FAM81B: variants seen among roughly 807,000 people sequenced by gnomAD.
The protein encoded by FAM81B is family with sequence similarity 81 member B.
FAM81B carries 60 observed loss-of-function variants against 58.7 expected under a neutral mutation model. The ratio of observed to expected loss-of-function variants is 1.02; its 90% CI spans 0.83 to 1.27. The LOEUF is 1.27. Ranked by LOEUF, FAM81B falls within the 50% of genes most tolerant of loss-of-function variation. FAM81B has a pLI of 0.00. For missense variants in FAM81B, 491 were observed against 522.0 expected, an observed-to-expected ratio of 0.94 and a Z score of 0.58; for synonymous variants, 189 against 179.6, an observed-to-expected ratio of 1.05 and a Z score of -0.42.
At chr5:95,432,790 G>A (rs1744955528) in intron 6 of FAM81B, among the ~76,000 whole-genome samples, 1 of 151,642 alleles carries the variant, frequency 6.6e-6, no homozygotes, top group Non-Finnish European at 1.5e-5. Context: ...CCTTGATTAG[G>A]TTAGGTGTGC....
chr5:95,411,492 A>G (rs1269143866), intron 3 of FAM81B, among the ~76,000 whole-genome samples: 1 of 152,218 alleles, frequency 6.6e-6, no homozygotes, highest in Non-Finnish European at 1.5e-5. Context: ...TACTAACAAC[A>G]GTCATATGGG....
chr5:95,420,940 G>A (rs997745568), intron 5 of FAM81B, among the ~76,000 whole-genome samples: 1 of 152,136 alleles, frequency 6.6e-6, no homozygotes, highest in Non-Finnish European at 1.5e-5. Flanking sequence ...ATGGCTGACT[G>A]TGGACACCTT....
At chr5:95,421,979 C>G (rs1475029625) in intron 5 of FAM81B, among the ~76,000 whole-genome samples, 2 of 151,882 alleles carry the variant, frequency 1.3e-5, no homozygotes, top group Non-Finnish European at 2.9e-5. Flanking sequence ...GAAAGAGAAA[C>G]AGAGTAATAA....
At position 95,437,408 on chromosome 5, in the gene FAM81B, C is replaced by T. The variant is rs1249788716; in HGVS notation, c.893+502C>T. ...TCGCCCAGGCTGGAGTGCAGTGGCG[C>T]GTCTCTGCTTACTGCAAGCTCCGTC... On this transcript the variant is annotated intron_variant, in intron 7 of 9. Transcript: ENST00000283357. Among the ~76,000 whole-genome samples the T allele has an allele frequency of 3.3e-5, 5 of 152,252 alleles. No homozygotes were observed. The East Asian group carries it at 5.8e-4, about 18-fold the overall frequency.
intron 9 of FAM81B, among the ~76,000 whole-genome samples, chr5:95,449,480 C>T (rs12054689): frequency 0.23 from 35,215 of 152,094 alleles, 5,469 homozygotes; most frequent in African/African-American, 0.44. Flanking sequence ...GAATTTACCA[C>T]CTGCAAGTTC....
intron 4 of FAM81B, among the ~76,000 whole-genome samples, chr5:95,418,770 TCTC>T (rs1432075947): frequency 3.9e-5 from 6 of 152,146 alleles, no homozygotes; most frequent in African/African-American, 1.2e-4. Flanking sequence ...GACAAAATAA[TCTC>T]CTCAATTATC....
chr5:95,437,654 A>C (rs897987674), intron 7 of FAM81B, among the ~76,000 whole-genome samples: 2 of 152,172 alleles, frequency 1.3e-5, no homozygotes, highest in Admixed American at 1.3e-4. Flanking sequence ...TTTCTTTTTA[A>C]GACTGGTCTC....
At chr5:95,393,314 T>C (rs1761880717) in intron 2 of FAM81B, among the ~76,000 whole-genome samples, 1 of 152,224 alleles carries the variant, frequency 6.6e-6, no homozygotes, top group Admixed American at 6.5e-5. Flanking sequence ...TAGACTTTTT[T>C]TGCACTTCTC....
intron 4 of FAM81B, among the ~76,000 whole-genome samples, chr5:95,418,844 A>G (rs1331032205): frequency 1.3e-5 from 2 of 152,138 alleles, no homozygotes. Flanking sequence ...GAAATCTATA[A>G]TGATATATGA....
chr5:95,428,197 G>A (rs1762900240), intron 5 of FAM81B, among the ~76,000 whole-genome samples: 1 of 152,168 alleles, frequency 6.6e-6, no homozygotes, highest in Non-Finnish European at 1.5e-5. Context: ...ATAAAGAGAG[G>A]AAAGTGGATT....
intron 5 of FAM81B, among the ~76,000 whole-genome samples, chr5:95,423,547 TAAAA>T (rs70978187): frequency 0.019 from 2,290 of 123,442 alleles, 50 homozygotes; most frequent in African/African-American, 0.058. Flanking sequence ...TGCATGTGGG[TAAAA>T]AAAAAAAAAA....
In FAM81B at chr5:95,415,784, A is replaced by G. The variant is rs979521834; in HGVS notation, c.537+1594A>G. The stretch of plus-strand genomic sequence containing the variant: ...ATTCTATATTTTGATCTGGATTGTT[A>G]TATGGTTGATTACATTACATTGAGT... On this transcript the variant is annotated intron_variant, in intron 4 of 9. Transcript: ENST00000283357. 3.9e-5 allele frequency among the ~76,000 whole-genome samples: 6 copies of G among 152,332 alleles called. No homozygotes were observed. In the East Asian group the frequency reaches 9.6e-4, roughly 24 times the overall value.
rs767517546 is a variant in FAM81B, at chr5:95,448,482, AT to A, written c.1225+20del. 1.3e-4 allele frequency: 210 copies of A among 1,581,434 alleles called. No homozygotes were observed. The highest frequency in any genetic ancestry group is 1.7e-4 in the Non-Finnish European group (202 of 1,168,578). On this transcript the variant is annotated intron_variant, in intron 9 of 9. Transcript: ENST00000283357. ...TCAATCAGGTGAGCAGATACCTTTT[AT>A]TAAGTAAAGAATATCTGTCCTTTCC...
intron 2 of FAM81B, among the ~76,000 whole-genome samples, chr5:95,395,307 G>A (rs1334635911): frequency 6.6e-6 from 1 of 152,050 alleles, no homozygotes; most frequent in Non-Finnish European, 1.5e-5. Flanking sequence ...GCCAGGCGTG[G>A]TGGCGGGCGC....
chr5:95,420,387 G>C lies in FAM81B; in HGVS notation c.641G>C (p.Arg214Pro). 1.2e-6 allele frequency: 2 copies of C among 1,613,634 alleles called. No individual in the cohort carries two copies. Among genetic ancestry groups the C allele is most frequent in the Non-Finnish European group, 8.5e-7 (1 of 1,179,662 alleles). ...IKHLQGVGDL[R>P]GRVARCDSSI... ...CACCTACAAGGAGTTGGAGATCTTC[G>C]AGGAAGAGTAGCCAGGTGAGAAGAA... The change falls in exon 5 of 10, where the codon CGA (arginine) becomes CCA (proline). Residue 214 changes from arginine (R) to proline (P), a missense_variant. By Grantham distance (103) the Arg-to-Pro change is moderately radical. Coordinates refer to ENST00000283357, the MANE Select transcript of FAM81B (RefSeq NM_152548.3).
At chr5:95,434,800 T>C (rs1745036937) in intron 6 of FAM81B, among the ~76,000 whole-genome samples, 1 of 152,264 alleles carries the variant, frequency 6.6e-6, no homozygotes, top group Admixed American at 6.5e-5. Flanking sequence ...TATATTTGGC[T>C]GTGTCCTTTT....
chr5:95,435,980 G>A (rs1487521503), intron 6 of FAM81B, among the ~76,000 whole-genome samples: 1 of 151,990 alleles, frequency 6.6e-6, no homozygotes, highest in African/African-American at 2.4e-5. Context: ...TCTTTCATAA[G>A]AACTCATTTT....
intron 6 of FAM81B, among the ~76,000 whole-genome samples, chr5:95,432,226 A>C (rs763908665): frequency 1.2e-4 from 18 of 151,920 alleles, no homozygotes; most frequent in Non-Finnish European, 2.4e-4. Context: ...CCATCCTTGC[A>C]TTTTCTAAAA....
intron 5 of FAM81B, among the ~76,000 whole-genome samples, chr5:95,422,105 T>C (rs1189896731): frequency 6.6e-6 from 1 of 151,848 alleles, no homozygotes; most frequent in Non-Finnish European, 1.5e-5. Flanking sequence ...AAGTTTCTGG[T>C]TGGCCCACAA....
Sources: gnomAD v4.1 joint callset for allele counts (sites outside exome capture counted in the v4.1 genomes callset) on GRCh38, gnomAD v4.1.1 for gene constraint, MANE v1.5 for transcripts, NCBI Gene and HGNC (gene_info 2026-07-23, HGNC 2026-07-21) for gene names.